Variants in LIN28B observed in about 807,000 individuals in gnomAD.
LIN28B encodes the protein protein lin-28 homolog B.
LIN28B carries 5 observed loss-of-function variants against 21.9 expected under a neutral mutation model. The ratio of observed to expected loss-of-function variants is 0.23; its 90% CI spans 0.12 to 0.48. The LOEUF (loss-of-function observed/expected upper bound fraction) is 0.48, where lower values mean the gene tolerates loss of function less well. LIN28B is among the 20% of genes least tolerant of loss of function. LIN28B has a pLI of 0.98. For missense variants in LIN28B, 245 were observed against 310.5 expected (o/e 0.79, Z 1.58); for synonymous variants, 109 against 111.3 (o/e 0.98, Z 0.13).
intron 3 of LIN28B, among the ~76,000 whole-genome samples, chr6:105,034,424 A>T (rs1771485004): frequency 6.6e-6 from 1 of 151,982 alleles, no homozygotes; most frequent in Non-Finnish European, 1.5e-5. Flanking sequence ...AAGTGGTAAT[A>T]TATTTTGTTT....
chr6:104,989,851 C>T (rs1770427193), intron 2 of LIN28B, among the ~76,000 whole-genome samples: 1 of 152,038 alleles, frequency 6.6e-6, no homozygotes, highest in Admixed American at 6.6e-5. Flanking sequence ...CTCAGCTTCC[C>T]AAAGTGCTAG....
At chr6:104,986,603 G>A (rs1192556124) in intron 2 of LIN28B, among the ~76,000 whole-genome samples, 3 of 151,804 alleles carry the variant, frequency 2.0e-5, no homozygotes, top group Non-Finnish European at 4.4e-5. Context: ...TCATTTTAGG[G>A]GAGAAATGAC....
intron 2 of LIN28B, among the ~76,000 whole-genome samples, chr6:105,013,787 A>C (rs370007210): frequency 2.0e-5 from 3 of 152,000 alleles, no homozygotes; most frequent in East Asian, 3.9e-4. Flanking sequence ...ACTTAATCTG[A>C]TCTATTTTTT....
intron 2 of LIN28B, among the ~76,000 whole-genome samples, chr6:104,999,527 C>A (rs1326386682): frequency 1.3e-5 from 2 of 152,034 alleles, no homozygotes; most frequent in African/African-American, 2.4e-5. Flanking sequence ...AATGGATATG[C>A]ACAAAGATAT....
At chr6:104,952,512 G>T (rs1778231089), upstream of LIN28B, among the ~76,000 whole-genome samples, 1 of 152,054 alleles carries the variant, frequency 6.6e-6, no homozygotes, top group South Asian at 2.1e-4. Flanking sequence ...TTTTTAAAAA[G>T]ATACTTTCTA....
chr6:105,043,341 C>CAAAAAAAAAAAAA (rs57532096), intron 3 of LIN28B, among the ~76,000 whole-genome samples: 4 of 75,384 alleles, frequency 5.3e-5, no homozygotes, highest in African/African-American at 1.4e-4. Context: ...GACTCTGTCT[C>CAAAAAAAAAAAAA]AAAAAAAAAA....
At chr6:105,053,496 G>A (rs188988597) in intron 3 of LIN28B, among the ~76,000 whole-genome samples, 16 of 151,768 alleles carry the variant, frequency 1.1e-4, no homozygotes, top group Non-Finnish European at 2.9e-5. Context: ...TTCTTTGAGT[G>A]CTAACATTGT....
chr6:105,045,711 C>T (rs1430166266), intron 3 of LIN28B: 1 of 152,164 alleles, frequency 6.6e-6, no homozygotes, highest in East Asian at 1.9e-4. Context: ...TCTGTACACA[C>T]TTAGACAATG....
chr6:104,953,306 T>A (rs1471625959), upstream of LIN28B, among the ~76,000 whole-genome samples: 2 of 152,080 alleles, frequency 1.3e-5, no homozygotes, highest in African/African-American at 4.8e-5. Context: ...GTTTTAGGCA[T>A]GGCCCGGTGG....
chr6:105,046,524 A>G (rs887339724), intron 3 of LIN28B, among the ~76,000 whole-genome samples: 2 of 152,240 alleles, frequency 1.3e-5, no homozygotes, highest in African/African-American at 2.4e-5. Context: ...TCCTTTGGGT[A>G]TACACCCAGT....
chr6:105,044,614 G>A (rs560503683), intron 3 of LIN28B, among the ~76,000 whole-genome samples: 19 of 152,190 alleles, frequency 1.2e-4, no homozygotes, highest in African/African-American at 3.9e-4. Flanking sequence ...AATTATAGCC[G>A]ATAAACTACT....
chr6:105,007,618 G>A (rs1026374888), intron 2 of LIN28B, among the ~76,000 whole-genome samples: 7 of 150,998 alleles, frequency 4.6e-5, no homozygotes, highest in African/African-American at 1.2e-4. Flanking sequence ...TTTAATTCCT[G>A]GGCTGAAGAG....
At chr6:104,938,617 G>A (rs1582851471) in intron 2 of LIN28B, among the ~76,000 whole-genome samples, 2 of 148,820 alleles carry the variant, frequency 1.3e-5, no homozygotes, top group East Asian at 2.0e-4. Context: ...CAAGCCTGGG[G>A]GACATAGTGA....
chr6:105,058,623 G>A (rs1772068321), intron 3 of LIN28B, among the ~76,000 whole-genome samples: 2 of 152,170 alleles, frequency 1.3e-5, no homozygotes, highest in South Asian at 4.1e-4. Context: ...AGTGCCATCA[G>A]CAAAGCAGTT....
At chr6:105,004,202 A>AG (rs1460019711) in intron 2 of LIN28B, among the ~76,000 whole-genome samples, 3 of 152,162 alleles carry the variant, frequency 2.0e-5, no homozygotes. Flanking sequence ...ACCCAGATTA[A>AG]GGGTGGGTCT....
intron 2 of LIN28B, among the ~76,000 whole-genome samples, chr6:104,974,543 ACT>A (rs1446354823): frequency 6.6e-6 from 1 of 151,622 alleles, no homozygotes; most frequent in East Asian, 1.9e-4. Flanking sequence ...AGTGGAATAA[ACT>A]CTATAAACCG....
rs78399736 is a variant in LIN28B, at chr6:104,967,614, T to C, written c.198+9328T>C. ...AAAAAAAAAAAGAAAGAAAGAAATT[T>C]ATTGAATTTCTGTCCCAACTCAGTT... On this transcript the variant is annotated intron_variant, in intron 2 of 3. Coordinates refer to ENST00000345080, the MANE Select transcript of LIN28B (RefSeq NM_001004317.4). Among the ~76,000 whole-genome samples, 571 of 149,244 alleles carry C rather than the reference T, an allele frequency of 3.8e-3. 2 individuals are homozygous for C. The highest frequency in any genetic ancestry group is 0.014 in the African/African-American group (562 of 40,842).
intron 2 of LIN28B, among the ~76,000 whole-genome samples, chr6:104,958,548 T>C (rs1335469868): frequency 6.6e-6 from 1 of 152,242 alleles, no homozygotes; most frequent in Non-Finnish European, 1.5e-5. Flanking sequence ...TGCTTCATTC[T>C]ACAGCGAAAT....
upstream of LIN28B, among the ~76,000 whole-genome samples, chr6:104,952,765 A>T (rs1031061007): frequency 6.6e-6 from 1 of 152,180 alleles, no homozygotes; most frequent in African/African-American, 2.4e-5. Flanking sequence ...CCGTTTCTGT[A>T]TTTCCATAAT....
Sources: gnomAD v4.1 joint callset for allele counts (sites outside exome capture counted in the v4.1 genomes callset) on GRCh38, gnomAD v4.1.1 for gene constraint, MANE v1.5 for transcripts, NCBI Gene and HGNC (gene_info 2026-07-23, HGNC 2026-07-21) for gene names.